Variants in MPPED2 observed in about 807,000 individuals in gnomAD.
MPPED2 encodes the protein metallophosphoesterase MPPED2.
Under a neutral mutation model 33.0 loss-of-function variants are expected in MPPED2, and 5 were observed. The ratio of observed to expected loss-of-function variants is 0.15; its 90% CI spans 0.08 to 0.32. MPPED2 has a LOEUF of 0.32. Among genes scored for constraint, MPPED2 ranks in the 10% least tolerant of loss-of-function variants. The pLI, the probability that MPPED2 is intolerant of heterozygous loss-of-function variation, is 1.00. For missense variants in MPPED2, 275 were observed against 372.1 expected, an observed-to-expected ratio of 0.74 and a Z score of 2.15; for synonymous variants, 136 against 141.9, an observed-to-expected ratio of 0.96 and a Z score of 0.29.
intron 2 of MPPED2, among the ~76,000 whole-genome samples, chr11:30,567,800 A>C (rs1956510843): frequency 1.3e-5 from 2 of 152,194 alleles, no homozygotes; most frequent in Admixed American, 6.5e-5. Context: ...ACTCCAGTAA[A>C]AGACACATCA....
intron 3 of MPPED2, among the ~76,000 whole-genome samples, chr11:30,523,097 G>T (rs1174003218): frequency 6.6e-6 from 1 of 151,904 alleles, no homozygotes; most frequent in Non-Finnish European, 1.5e-5. Flanking sequence ...GCAGAGTAGA[G>T]CCCTGAAGAC....
intron 4 of MPPED2, among the ~76,000 whole-genome samples, chr11:30,470,325 TA>T (rs1316364895): frequency 6.6e-6 from 1 of 152,098 alleles, no homozygotes; most frequent in Non-Finnish European, 1.5e-5. Context: ...GAAGAATATA[TA>T]AATTATAGTT....
At chr11:30,501,500 C>A (rs1377007586) in intron 3 of MPPED2, 2 of 283,706 alleles carry the variant, frequency 7.0e-6, no homozygotes, top group Non-Finnish European at 1.1e-5. Context: ...ATTCCCTTAA[C>A]ACACAACTTT....
At chr11:30,570,627 G>A (rs1956647046) in intron 2 of MPPED2, among the ~76,000 whole-genome samples, 1 of 152,138 alleles carries the variant, frequency 6.6e-6, no homozygotes, top group African/African-American at 2.4e-5. Flanking sequence ...ACTTAAACGA[G>A]CTAGTAAAAT....
intron 3 of MPPED2, among the ~76,000 whole-genome samples, chr11:30,526,550 C>T (rs1368734348): frequency 2.0e-5 from 3 of 152,142 alleles, no homozygotes; most frequent in Non-Finnish European, 4.4e-5. Flanking sequence ...GAGATCTTGA[C>T]TCTAGGGAAA....
intron 2 of MPPED2, among the ~76,000 whole-genome samples, chr11:30,572,874 G>A (rs144936058): frequency 1.3e-5 from 2 of 152,072 alleles, no homozygotes; most frequent in South Asian, 4.1e-4. Context: ...ATTTTACATG[G>A]ACAAATGTAA....
intron 2 of MPPED2, among the ~76,000 whole-genome samples, chr11:30,550,024 T>C (rs1249730433): frequency 1.3e-5 from 2 of 152,148 alleles, no homozygotes; most frequent in Non-Finnish European, 2.9e-5. Context: ...GTAGCACCTA[T>C]CAAGCCTTCA....
At chr11:30,425,977 A>G (rs1173612046) in intron 4 of MPPED2, among the ~76,000 whole-genome samples, 4 of 152,230 alleles carry the variant, frequency 2.6e-5, no homozygotes, top group African/African-American at 9.6e-5. Flanking sequence ...TAAAATATAC[A>G]TAACACAAAA....
At chr11:30,497,700 C>CCTTTCTTTCTTTCTTTCTTTCTTT (rs140393689) in intron 3 of MPPED2, among the ~76,000 whole-genome samples, 20 of 151,686 alleles carry the variant, frequency 1.3e-4, no homozygotes, top group African/African-American at 4.9e-4. Context: ...CTGGGTTTTT[C>CCTTTCTTTCTTTCTTTCTTTCTTT]CTTTCTTTCT....
chr11:30,564,512 G>A (rs1487425177), intron 2 of MPPED2, among the ~76,000 whole-genome samples: 1 of 152,114 alleles, frequency 6.6e-6, no homozygotes, highest in African/African-American at 2.4e-5. Flanking sequence ...TCACATTTAT[G>A]GATAAGAACA....
intron 2 of MPPED2, among the ~76,000 whole-genome samples, chr11:30,567,984 G>A (rs1214715295): frequency 1.3e-5 from 2 of 152,038 alleles, no homozygotes; most frequent in Non-Finnish European, 2.9e-5. Flanking sequence ...CAAACTTAAA[G>A]GCACGAAAAA....
chr11:30,427,338 C>T (rs1359584459), intron 4 of MPPED2, among the ~76,000 whole-genome samples: 3 of 152,146 alleles, frequency 2.0e-5, no homozygotes, highest in Non-Finnish European at 2.9e-5. Context: ...TGTGTGTTGT[C>T]ACACATTTAT....
rs1383898139 is a variant in MPPED2, at chr11:30,410,840, A to G, written c.*628T>C. On this transcript the variant is annotated 3_prime_UTR_variant, in exon 7 of 7. Coordinates refer to ENST00000358117, the MANE Select transcript of MPPED2 (RefSeq NM_001584.3). ...ATAATTTAAAAGAAACAAACAAACA[A>G]TGAGACCTTGTATAACCACAATAGG... The G allele has an allele frequency of 1.0e-6, 1 of 985,678 alleles. No homozygotes were observed. Among genetic ancestry groups the G allele is most frequent in the Non-Finnish European group, 1.2e-6 (1 of 829,886 alleles). 61.1% of individuals were successfully genotyped at this position (985,678 alleles called of 1,614,324 possible).
chr11:30,386,010 G>A (rs949904412), exon 7 of MPPED2: 2 of 152,116 alleles, frequency 1.3e-5, no homozygotes, highest in Admixed American at 6.5e-5. Flanking sequence ...TTGTAGAGGG[G>A]CCAGGACCCC....
At chr11:30,535,913 C>T in intron 3 of MPPED2, 81 bp downstream of exon 3, 1 of 1,254,468 alleles carries the variant, frequency 8.0e-7, no homozygotes. Flanking sequence ...CTTCCAAGTG[C>T]TCTAATTCAA....
At position 30,411,229 on chromosome 11, in the gene MPPED2, C is replaced by T. The variant is rs1948089214; in HGVS notation, c.*239G>A. On this transcript the variant is annotated 3_prime_UTR_variant, in exon 7 of 7. Coordinates refer to ENST00000358117, the MANE Select transcript of MPPED2 (RefSeq NM_001584.3). Reference sequence around the variant, plus strand: ...GGCGAACACTAACAATTTACAATGGCATGGCCTTTGAGAAAACAGAAGTCA... The same window carrying T: ...GGCGAACACTAACAATTTACAATGGTATGGCCTTTGAGAAAACAGAAGTCA... The T allele has an allele frequency of 1.8e-6, 2 of 1,141,234 alleles. No homozygotes were observed. Among genetic ancestry groups the T allele is most frequent in the Admixed American group, 8.8e-5 (2 of 22,710 alleles). 70.7% of individuals were successfully genotyped at this position (1,141,234 alleles called of 1,614,324 possible). A position where few individuals can be genotyped will look rare whatever the true frequency, so the allele number is the denominator to read the frequency against.
chr11:30,467,915 C>G (rs1160008469), intron 4 of MPPED2, among the ~76,000 whole-genome samples: 1 of 152,104 alleles, frequency 6.6e-6, no homozygotes, highest in Non-Finnish European at 1.5e-5. Flanking sequence ...GATGTGCTTA[C>G]TGATGCTATG....
chr11:30,431,896 C>T (rs921036001), intron 4 of MPPED2, among the ~76,000 whole-genome samples: 5 of 152,068 alleles, frequency 3.3e-5, no homozygotes, highest in South Asian at 4.1e-4. Context: ...TTTTTTCAGC[C>T]GGGCACGGTG....
intron 6 of MPPED2, among the ~76,000 whole-genome samples, chr11:30,390,805 C>T (rs1158824045): frequency 2.6e-5 from 4 of 152,184 alleles, no homozygotes; most frequent in Non-Finnish European, 5.9e-5. Context: ...CTGCCCCTCT[C>T]ACATGTTTGG....
Sources: allele counts gnomAD v4.1 joint callset (sites outside exome capture counted in the v4.1 genomes callset), GRCh38; gene constraint gnomAD v4.1.1; transcripts MANE v1.5; gene names NCBI Gene and HGNC (gene_info 2026-07-23, HGNC 2026-07-21).